PAK1: variants seen among roughly 807,000 people sequenced by gnomAD.
PAK1 encodes p21 (RAC1) activated kinase 1, also known as serine/threonine-protein kinase PAK 1.
In PAK1, 29 loss-of-function variants were observed where a neutral mutation model predicts 67.4. The observed-to-expected ratio is 0.43, with a 90% CI of 0.32 to 0.59. The LOEUF is 0.59. Among genes scored for constraint, PAK1 ranks in the 20% least tolerant of loss-of-function variants. The probability of loss-of-function intolerance (pLI) is 0.07; values close to 1 mark genes in which losing one functional copy is unlikely to be tolerated. For missense variants in PAK1, 337 were observed against 670.7 expected (o/e 0.50, Z 5.50); for synonymous variants, 223 against 237.4 (o/e 0.94, Z 0.56).
At chr11:77,411,761 G>A (rs1051037293) in intron 1 of PAK1, 1 of 152,304 alleles carries the variant, frequency 6.6e-6, no homozygotes, top group Admixed American at 6.5e-5. Flanking sequence ...GCCCCAGGCA[G>A]GGCCGGCATT....
In PAK1 at chr11:77,381,178, G is replaced by GTGTGTGTGTGT. The variant is rs869219760; in HGVS notation, c.191-1185_191-1184insACACACACACA. ...GTGTGTGTGTGTGTGTGTGTGTGTAGAGAGAGAGAGAGAAAGAGAGACCAG... is the reference window on the plus strand; with the variant it reads ...GTGTGTGTGTGTGTGTGTGTGTGTAGTGTGTGTGTGTAGAGAGAGAGAGAAAGAGAGACCAG... On this transcript the variant is annotated intron_variant, in intron 2 of 14. Coordinates refer to ENST00000356341, the MANE Select transcript of PAK1 (RefSeq NM_002576.5). Among the ~76,000 whole-genome samples the GTGTGTGTGTGT allele has an allele frequency of 4.2e-3, 453 of 107,554 alleles. 1 individual carries two copies. The highest frequency in any genetic ancestry group is 0.014 in the Middle Eastern group (3 of 216). 70.6% of individuals were successfully genotyped at this position (107,554 alleles called of 152,430 possible). A position where few individuals can be genotyped will look rare whatever the true frequency, so the allele number is the denominator to read the frequency against.
the PAK1 span, among the ~76,000 whole-genome samples, chr11:77,524,144 AG>A: frequency 1.3e-5 from 2 of 152,244 alleles, no homozygotes; most frequent in Non-Finnish European, 2.9e-5. Context: ...ACCTTTATCA[AG>A]AAAAGAATAA....
upstream of PAK1, among the ~76,000 whole-genome samples, chr11:77,479,223 A>C (rs1958092488): frequency 2.0e-5 from 3 of 152,108 alleles, no homozygotes; most frequent in Admixed American, 2.0e-4. Flanking sequence ...GGCTTCAAGG[A>C]AATGAATTTT....
At chr11:77,515,682 C>G in the PAK1 span, among the ~76,000 whole-genome samples, 8 of 152,192 alleles carry the variant, frequency 5.3e-5, no homozygotes. Flanking sequence ...AGTAGTGTCT[C>G]CTCCTTCAAC....
the PAK1 span, among the ~76,000 whole-genome samples, chr11:77,490,689 G>C: frequency 6.6e-6 from 1 of 152,226 alleles, no homozygotes; most frequent in African/African-American, 2.4e-5. Flanking sequence ...AATAGAAAGT[G>C]GGGAAAGGTG....
At chr11:77,417,493 T>C (rs962814064) in intron 1 of PAK1, among the ~76,000 whole-genome samples, 13 of 152,202 alleles carry the variant, frequency 8.5e-5, no homozygotes, top group African/African-American at 2.9e-4. Flanking sequence ...AAGGAATGAA[T>C]AGGTGAAGCA....
chr11:77,356,012 G>A, intron 6 of PAK1, 170 bp from the exon 7 acceptor site: 1 of 557,632 alleles, frequency 1.8e-6, no homozygotes, highest in Non-Finnish European at 3.2e-6. Flanking sequence ...CCCATTCTGG[G>A]TAAAATGGCC....
At chr11:77,411,747 G>A (rs902083332) in intron 1 of PAK1, 4 of 152,294 alleles carry the variant, frequency 2.6e-5, no homozygotes, top group African/African-American at 9.7e-5. Flanking sequence ...GCCCAGCTAG[G>A]GGAGCCCCAG....
chr11:77,376,668 C>T (rs1222432872), intron 4 of PAK1, among the ~76,000 whole-genome samples: 2 of 145,056 alleles, frequency 1.4e-5, no homozygotes, highest in African/African-American at 5.1e-5. Context: ...ACCCAGGAGG[C>T]AGATGTTGCA....
At chr11:77,461,563 C>T (rs1284636794) in intron 1 of PAK1, among the ~76,000 whole-genome samples, 1 of 152,158 alleles carries the variant, frequency 6.6e-6, no homozygotes, top group East Asian at 1.9e-4. Flanking sequence ...ACAATGAAGA[C>T]TAAAGAGTAA....
At chr11:77,517,296 G>A in the PAK1 span, among the ~76,000 whole-genome samples, 177 of 152,308 alleles carry the variant, frequency 1.2e-3, 1 homozygote, top group Admixed American at 3.1e-3. Context: ...TGCCCAGTTT[G>A]AGTCATGCAC....
intron 13 of PAK1, among the ~76,000 whole-genome samples, chr11:77,333,439 C>T (rs756796946): frequency 5.3e-5 from 8 of 152,114 alleles, no homozygotes; most frequent in Non-Finnish European, 8.8e-5. Context: ...CTCAAGTGAT[C>T]CTCCTGCCTC....
At chr11:77,490,775 T>C in the PAK1 span, among the ~76,000 whole-genome samples, 1 of 152,344 alleles carries the variant, frequency 6.6e-6, no homozygotes, top group South Asian at 2.1e-4. Context: ...TTCATTTTGT[T>C]CTGTACTAAG....
intron 1 of PAK1, among the ~76,000 whole-genome samples, chr11:77,410,420 G>A (rs1161187063): frequency 6.6e-6 from 1 of 152,130 alleles, no homozygotes; most frequent in Non-Finnish European, 1.5e-5. Flanking sequence ...AATGGTCCTG[G>A]GGAAGATAGA....
the PAK1 span, among the ~76,000 whole-genome samples, chr11:77,493,734 C>T: frequency 6.6e-6 from 1 of 152,088 alleles, no homozygotes; most frequent in African/African-American, 2.4e-5. Context: ...ACCTCCACAA[C>T]ACCCCTATAA....
chr11:77,368,424 G>T (rs1947910157), intron 5 of PAK1, among the ~76,000 whole-genome samples: 1 of 152,136 alleles, frequency 6.6e-6, no homozygotes, highest in Non-Finnish European at 1.5e-5. Flanking sequence ...GACCTGAAAG[G>T]TATTATTAAA....
At chr11:77,384,449 C>T (rs940756500) in intron 2 of PAK1, among the ~76,000 whole-genome samples, 16 of 152,148 alleles carry the variant, frequency 1.1e-4, no homozygotes, top group Admixed American at 8.5e-4. Flanking sequence ...TACACAAAAA[C>T]TTGTATGTGA....
the PAK1 span, among the ~76,000 whole-genome samples, chr11:77,502,824 T>G: frequency 6.6e-6 from 1 of 152,124 alleles, no homozygotes; most frequent in African/African-American, 2.4e-5. Context: ...ATGAAAAGAA[T>G]GGCATTCAGG....
chr11:77,425,360 C>T (rs1955495804), intron 1 of PAK1, among the ~76,000 whole-genome samples: 1 of 151,854 alleles, frequency 6.6e-6, no homozygotes, highest in Admixed American at 6.6e-5. Flanking sequence ...GTGTTCTACT[C>T]GGTCAGCCAA....
Sources: allele counts gnomAD v4.1 joint callset (sites outside exome capture counted in the v4.1 genomes callset), GRCh38; gene constraint gnomAD v4.1.1; transcripts MANE v1.5; gene names NCBI Gene and HGNC (gene_info 2026-07-23, HGNC 2026-07-21).